The following UNC5D variants were observed in gnomAD, a reference collection of about 807,000 sequenced individuals.
UNC5D encodes unc-5 netrin receptor D.
Under a neutral mutation model 105.4 loss-of-function variants are expected in UNC5D, and 39 were observed. The observed-to-expected ratio is 0.37, with a 90% CI of 0.29 to 0.48. The LOEUF (loss-of-function observed/expected upper bound fraction) is 0.48. Among genes scored for constraint, UNC5D ranks in the 20% least tolerant of loss-of-function variants. UNC5D has a pLI of 0.98. For synonymous variants in UNC5D, 452 were observed against 450.4 expected, an observed-to-expected ratio of 1.00 and a Z score of -0.04; for missense variants, 991 against 1,202.4, an observed-to-expected ratio of 0.82 and a Z score of 2.60.
At chr8:35,705,375 G>A (rs1827506448) in intron 7 of UNC5D, among the ~76,000 whole-genome samples, 1 of 152,182 alleles carries the variant, frequency 6.6e-6, no homozygotes, top group Non-Finnish European at 1.5e-5. Context: ...AGCAGATAAT[G>A]GAGATGTGAA....
chr8:35,777,644 C>G (rs942755380), intron 16 of UNC5D, among the ~76,000 whole-genome samples: 4 of 152,150 alleles, frequency 2.6e-5, no homozygotes, highest in African/African-American at 9.7e-5. Flanking sequence ...ACATTCAACT[C>G]TGATGCTGTA....
Position 35,439,033 on chromosome 8 carries a change from T to C in UNC5D, c.104-110259T>C, listed in dbSNP as rs190955507. Among the ~76,000 whole-genome samples, 935 of 146,222 alleles carry C rather than the reference T, an allele frequency of 6.4e-3. 11 individuals are homozygous for C. The highest frequency in any genetic ancestry group is 0.023 in the African/African-American group (865 of 37,260). The stretch of plus-strand genomic sequence containing the variant: ...AGACAGCTCTGGTTCATACATTGAT[T>C]TTTTTTTTTCTAAGCTGAGTGTGAC... On this transcript the variant is annotated intron_variant, in intron 1 of 16. Coordinates refer to ENST00000404895, the MANE Select transcript of UNC5D (RefSeq NM_080872.4).
intron 3 of UNC5D, among the ~76,000 whole-genome samples, chr8:35,586,209 G>A (rs1203532226): frequency 4.6e-5 from 7 of 152,134 alleles, no homozygotes; most frequent in Non-Finnish European, 1.5e-5. Flanking sequence ...GGGAAACAGC[G>A]GTTACAGTGA....
At chr8:35,468,524 A>T (rs1369079395) in intron 1 of UNC5D, among the ~76,000 whole-genome samples, 1 of 152,168 alleles carries the variant, frequency 6.6e-6, no homozygotes, top group Non-Finnish European at 1.5e-5. Flanking sequence ...AGCTATCTCA[A>T]ATATAGAAAG....
At chr8:35,270,432 G>A (rs1321689494) in intron 1 of UNC5D, among the ~76,000 whole-genome samples, 2 of 152,182 alleles carry the variant, frequency 1.3e-5, no homozygotes, top group Non-Finnish European at 2.9e-5. Context: ...TGTCTCAGGA[G>A]ACGAGCTTTA....
rs1348222487 is a variant in UNC5D at position 35,248,142 on chromosome 8, AAT to A, written c.103+12263_103+12264del. Among the ~76,000 whole-genome samples, 29 of 41,316 alleles carry A rather than the reference AAT, an allele frequency of 7.0e-4. 1 individual carries two copies. Among genetic ancestry groups the A allele is most frequent in the African/African-American group, 1.0e-3 (7 of 6,700 alleles). 27.1% of individuals were successfully genotyped at this position (41,316 alleles called of 152,430 possible). A position where few individuals can be genotyped will look rare whatever the true frequency, so the allele number is the denominator to read the frequency against. On this transcript the variant is annotated intron_variant, in intron 1 of 16. Transcript: ENST00000404895. ...TAATATATAAATATATATTATATAA[AAT>A]ATATATAATATATAAATATATATTA...
At chr8:35,419,954 GC>G (rs1805785272) in intron 1 of UNC5D, among the ~76,000 whole-genome samples, 1 of 152,170 alleles carries the variant, frequency 6.6e-6, no homozygotes, top group Admixed American at 6.5e-5. Context: ...AAAGCAGATA[GC>G]CCCAGATGTG....
In UNC5D at chr8:35,795,415, T is replaced by G. The variant is rs1803218497; in HGVS notation, c.*4852T>G. Reference sequence around the variant, plus strand: ...AAATTGGCCAAATTATATAATTCTCTTAAATTTTCATTTCTGTAGGTGGAG... The same window carrying G: ...AAATTGGCCAAATTATATAATTCTCGTAAATTTTCATTTCTGTAGGTGGAG... On this transcript the variant is annotated 3_prime_UTR_variant, in exon 17 of 17. Transcript: ENST00000404895. 1 of 152,202 alleles carries G rather than the reference T, an allele frequency of 6.6e-6. No homozygotes were observed. 9.4% of individuals were successfully genotyped at this position (152,202 alleles called of 1,614,324 possible).
At chr8:35,265,207 A>G (rs1804774409) in intron 1 of UNC5D, among the ~76,000 whole-genome samples, 3 of 71,386 alleles carry the variant, frequency 4.2e-5, no homozygotes, top group Admixed American at 3.6e-4. Context: ...CTGTGACCTT[A>G]TCATAGTCTG....
chr8:35,502,086 C>T (rs1812009258), intron 1 of UNC5D, among the ~76,000 whole-genome samples: 1 of 152,170 alleles, frequency 6.6e-6, no homozygotes, highest in African/African-American at 2.4e-5. Context: ...GTTTTACGAG[C>T]ATATTAATCC....
chr8:35,581,760 CAAAA>C (rs1303617488), intron 3 of UNC5D, among the ~76,000 whole-genome samples: 2 of 151,348 alleles, frequency 1.3e-5, no homozygotes, highest in Non-Finnish European at 1.5e-5. Flanking sequence ...TAATTAAAAA[CAAAA>C]AAATTAAAAG....
chr8:35,742,789 G>A (rs568423683), intron 11 of UNC5D, among the ~76,000 whole-genome samples: 21 of 152,102 alleles, frequency 1.4e-4, no homozygotes, highest in Non-Finnish European at 2.4e-4. Flanking sequence ...TTGGTGCCTC[G>A]TAGCTGACCT....
At chr8:35,332,463 T>G (rs1308189730) in intron 1 of UNC5D, among the ~76,000 whole-genome samples, 3 of 152,244 alleles carry the variant, frequency 2.0e-5, no homozygotes, top group Non-Finnish European at 4.4e-5. Flanking sequence ...TTGTGAATAT[T>G]GTTGAAAATG....
chr8:35,500,677 G>A (rs1222388605), intron 1 of UNC5D, among the ~76,000 whole-genome samples: 4 of 152,110 alleles, frequency 2.6e-5, no homozygotes, highest in African/African-American at 9.7e-5. Context: ...TGCCTACTAG[G>A]CTGCGGGTAT....
At chr8:35,659,079 G>C (rs1037793281) in intron 4 of UNC5D, among the ~76,000 whole-genome samples, 4 of 152,092 alleles carry the variant, frequency 2.6e-5, no homozygotes, top group African/African-American at 7.2e-5. Flanking sequence ...TTTCTGAGTG[G>C]CTGAGACAAT....
At chr8:35,646,818 A>G (rs1384404584) in intron 4 of UNC5D, among the ~76,000 whole-genome samples, 9 of 152,192 alleles carry the variant, frequency 5.9e-5, no homozygotes, top group African/African-American at 2.2e-4. Flanking sequence ...AAAGAATTTT[A>G]AAAGAATAAC....
intron 1 of UNC5D, among the ~76,000 whole-genome samples, chr8:35,534,436 C>T (rs1167589361): frequency 6.6e-6 from 1 of 151,860 alleles, no homozygotes; most frequent in Non-Finnish European, 1.5e-5. Context: ...ATGTGACATC[C>T]ACTATAAACA....
intron 1 of UNC5D, among the ~76,000 whole-genome samples, chr8:35,467,913 A>AT (rs1363458410): frequency 2.0e-5 from 3 of 152,154 alleles, no homozygotes; most frequent in Non-Finnish European, 1.5e-5. Flanking sequence ...CCAATGTGAT[A>AT]TTTTTTCCTA....
chr8:35,308,912 T>A (rs1389889909), intron 1 of UNC5D, among the ~76,000 whole-genome samples: 1 of 152,112 alleles, frequency 6.6e-6, no homozygotes, highest in Non-Finnish European at 1.5e-5. Context: ...CAGGGAAGAA[T>A]CATCATGCTA....
Sources: gnomAD v4.1 joint callset for allele counts (sites outside exome capture counted in the v4.1 genomes callset) on GRCh38, gnomAD v4.1.1 for gene constraint, MANE v1.5 for transcripts, NCBI Gene and HGNC (gene_info 2026-07-23, HGNC 2026-07-21) for gene names.